The following PDE4DIP variants were observed in gnomAD, a reference collection of about 807,000 sequenced individuals.
PDE4DIP encodes phosphodiesterase 4D interacting protein, also known as myomegalin.
PDE4DIP carries 59 observed loss-of-function variants against 221.4 expected under a neutral mutation model. The observed-to-expected ratio is 0.27, with a 90% CI of 0.22 to 0.33. The LOEUF is 0.33. PDE4DIP is among the 10% of genes least tolerant of loss of function. The pLI, the probability that PDE4DIP is intolerant of heterozygous loss-of-function variation, is 1.00. For synonymous variants in PDE4DIP, 404 were observed against 815.9 expected, an observed-to-expected ratio of 0.50 and a Z score of 8.60; for missense variants, 1,036 against 2,154.2, an observed-to-expected ratio of 0.48 and a Z score of 10.28.
At chr1:148,912,069 G>T (rs615910) in intron 1 of PDE4DIP, among the ~76,000 whole-genome samples, 16,826 of 101,270 alleles carry the variant, frequency 0.17, 259 homozygotes, top group East Asian at 0.37. Flanking sequence ...GGAGCCACAC[G>T]GTAGTTTGTG....
chr1:148,967,658 T>C, intron 12 of PDE4DIP, 68 bp from the exon 16 acceptor site: 1 of 633,214 alleles, frequency 1.6e-6, no homozygotes, highest in Non-Finnish European at 2.9e-6. Context: ...GTGGATCTAA[T>C]TTCTTGTTTA....
intron 1 of PDE4DIP, among the ~76,000 whole-genome samples, chr1:148,911,914 AG>A (rs1374365453): frequency 2.0e-5 from 3 of 149,562 alleles, no homozygotes; most frequent in Non-Finnish European, 4.4e-5. Flanking sequence ...CAAGCAAGAG[AG>A]CCTTGAAATT....
chr1:148,949,683 A>C (rs1206796106), intron 5 of PDE4DIP, among the ~76,000 whole-genome samples: 2 of 152,222 alleles, frequency 1.3e-5, no homozygotes, highest in Admixed American at 1.3e-4. Context: ...TTTATTTTTA[A>C]ATTTTTATTT....
At chr1:148,951,416 A>AC (rs1472398359) in intron 5 of PDE4DIP, among the ~76,000 whole-genome samples, 1 of 151,380 alleles carries the variant, frequency 6.6e-6, no homozygotes, top group African/African-American at 2.4e-5. Flanking sequence ...TAAGTTTTGG[A>AC]CCCAAGGGTG....
chr1:148,843,461 G>A (rs3911956), intron 1 of PDE4DIP, among the ~76,000 whole-genome samples: 1 of 56,712 alleles, frequency 1.8e-5, no homozygotes, highest in Non-Finnish European at 3.2e-5. Context: ...GGGCCTTTTG[G>A]GGTCTCAAAT....
At chr1:148,953,888 T>G in intron 5 of PDE4DIP, 14 of 1,612,548 alleles carry the variant, frequency 8.7e-6, no homozygotes, top group African/African-American at 1.3e-5. Context: ...TGAAGATTAT[T>G]TGCCGCTCCG....
chr1:148,824,154 G>GGGT (rs1670052461), intron 1 of PDE4DIP, among the ~76,000 whole-genome samples: 1 of 145,694 alleles, frequency 6.9e-6, no homozygotes, highest in Non-Finnish European at 1.5e-5. Flanking sequence ...AAATCTGGGA[G>GGGT]CAGCTTAGCT....
In PDE4DIP at chr1:148,998,312, A is replaced by C; in HGVS notation, c.3074A>C (p.Glu1025Ala). 1.9e-6 allele frequency: 3 copies of C among 1,612,172 alleles called. No individual in the cohort carries two copies. In the South Asian group the frequency reaches 3.3e-5, roughly 18 times the overall value. The change falls in exon 23 of 44, where the codon GAG becomes GCG. Residue 1025 changes from glutamate (E) to alanine (A), a missense_variant. By Grantham distance (107) the Glu-to-Ala change is moderately radical. Coordinates refer to ENST00000369354, the Ensembl canonical transcript of PDE4DIP. The stretch of plus-strand genomic sequence containing the variant: ...TTAGAAGAGAAGAGGAAAGCTGAGG[A>C]GGAACTGAAGGAGCTAAAGGCTCAA...
chr1:148,892,003 TTTGTTGTTG>T lies in PDE4DIP; in HGVS notation c.141+2121_141+2129del, dbSNP rs112683815. Among the ~76,000 whole-genome samples, 23 of 84,972 alleles carry T rather than the reference TTTGTTGTTG, an allele frequency of 2.7e-4. 2 individuals carry two copies. The highest frequency in any genetic ancestry group is 1.2e-3 in the African/African-American group (21 of 17,928). The allele number at this position is 84,972 out of a possible 152,430, so 55.7% of individuals were successfully genotyped here. Reference sequence around the variant, plus strand: ...TCTTAGGTAATTTGAGGGAAAGGATTTTGTTGTTGTTGTTGTTGTTCTGAGACAGAGTCT... The same window carrying T: ...TCTTAGGTAATTTGAGGGAAAGGATTTTGTTGTTGTTCTGAGACAGAGTCT... On this transcript the variant is annotated intron_variant, in intron 1 of 43. Transcript: ENST00000369354.
At chr1:149,028,563 C>G in exon 41 of PDE4DIP, 1 of 1,610,506 alleles carries the variant, frequency 6.2e-7, no homozygotes. Flanking sequence ...TCCCCAGGTG[C>G]TAGGCAGCAA....
At chr1:149,016,164 T>A in intron 32 of PDE4DIP, 135 bp from the exon 36 acceptor site, 1 of 576,014 alleles carries the variant, frequency 1.7e-6, no homozygotes, top group Non-Finnish European at 3.1e-6. Flanking sequence ...CTAATTAGTA[T>A]ACCAAAGTGA....
chr1:148,953,120 A>G (rs1553493883), intron 5 of PDE4DIP: 8 of 1,613,956 alleles, frequency 5.0e-6, no homozygotes, highest in Non-Finnish European at 6.8e-6. Context: ...GGGGAATGGG[A>G]CGGTTGACAT....
At chr1:149,020,056 CTCTG>C (rs2072177520) in intron 35 of PDE4DIP, 87 bp from the exon 39 acceptor site, 1 of 570,286 alleles carries the variant, frequency 1.8e-6, no homozygotes, top group Non-Finnish European at 3.2e-6. Context: ...TGCTCCTTAG[CTCTG>C]TCTGTCAGGG....
chr1:148,813,857 C>T (rs1209811665), intron 1 of PDE4DIP, among the ~76,000 whole-genome samples: 1 of 95,004 alleles, frequency 1.1e-5, no homozygotes, highest in Non-Finnish European at 2.1e-5. Flanking sequence ...CATTTAATTG[C>T]CTTAGCACCT....
intron 21 of PDE4DIP, chr1:148,983,296 T>C (rs1379596254): frequency 6.6e-6 from 1 of 152,100 alleles, no homozygotes; most frequent in Non-Finnish European, 1.5e-5. Context: ...AAGGAAGCCT[T>C]CTGAATCGCT....
At chr1:149,023,291 A>G (rs2073713452) in intron 37 of PDE4DIP, among the ~76,000 whole-genome samples, 1 of 152,218 alleles carries the variant, frequency 6.6e-6, no homozygotes, top group Admixed American at 6.5e-5. Context: ...GAATATTCAC[A>G]TAGCTCATTG....
chr1:148,924,603 C>G (rs1553464604), intron 1 of PDE4DIP, among the ~76,000 whole-genome samples: 1 of 149,944 alleles, frequency 6.7e-6, no homozygotes, highest in Non-Finnish European at 1.5e-5. Context: ...TACTCCAGTC[C>G]TGGGGAGAAG....
exon 13 of PDE4DIP, chr1:148,967,875 G>T (rs781853043): frequency 9.6e-7 from 1 of 1,037,296 alleles, no homozygotes; most frequent in Non-Finnish European, 1.5e-6. Context: ...AGTTACAGAC[G>T]TCTCTTCATG....
At chr1:148,999,910 A>G (rs587595910) in intron 23 of PDE4DIP, among the ~76,000 whole-genome samples, 22 of 149,830 alleles carry the variant, frequency 1.5e-4, no homozygotes, top group Middle Eastern at 3.5e-3. Flanking sequence ...TTTTTCTTTT[A>G]TTTGTTTGTA....
Sources: allele counts gnomAD v4.1 joint callset (sites outside exome capture counted in the v4.1 genomes callset), GRCh38; gene constraint gnomAD v4.1.1; transcripts MANE v1.5; gene names NCBI Gene and HGNC (gene_info 2026-07-23, HGNC 2026-07-21).